The following HIBCH variants were observed in gnomAD, a reference collection of about 807,000 sequenced individuals.
HIBCH encodes the protein 3-hydroxyisobutyryl-CoA hydrolase, mitochondrial.
A neutral mutation model predicts 58.2 loss-of-function variants in HIBCH; 50 were observed. The observed-to-expected ratio is 0.86, with a 90% CI of 0.68 to 1.09. HIBCH has a LOEUF of 1.09. Among genes scored for constraint, HIBCH ranks in the 50% least tolerant of loss-of-function variants. HIBCH has a pLI of 0.00. For missense variants in HIBCH, 450 were observed against 449.7 expected, an observed-to-expected ratio of 1.00 and a Z score of -0.01; for synonymous variants, 151 against 146.9, an observed-to-expected ratio of 1.03 and a Z score of -0.20.
downstream of HIBCH, among the ~76,000 whole-genome samples, chr2:190,199,351 T>C (rs149250527): frequency 9.9e-5 from 15 of 152,236 alleles, no homozygotes; most frequent in East Asian, 3.9e-4. Flanking sequence ...TGTACAAAAA[T>C]AGGTAGCTGG....
intron 11 of HIBCH, among the ~76,000 whole-genome samples, chr2:190,238,173 A>G (rs977356493): frequency 6.6e-6 from 1 of 152,098 alleles, no homozygotes; most frequent in Non-Finnish European, 1.5e-5. Flanking sequence ...TTATAATCCT[A>G]TGGGTATATA....
intron 2 of HIBCH, among the ~76,000 whole-genome samples, chr2:190,307,100 T>C (rs1208323146): frequency 6.6e-6 from 1 of 152,162 alleles, no homozygotes; most frequent in Non-Finnish European, 1.5e-5. Flanking sequence ...TACTATATTC[T>C]TGGGAACTAG....
In HIBCH at chr2:190,315,021, C is replaced by T. The variant is rs1352422119; in HGVS notation, c.36-4225G>A. Among the ~76,000 whole-genome samples the T allele has an allele frequency of 6.6e-6, 1 of 151,876 alleles. No homozygotes were observed. The highest frequency in any genetic ancestry group is 1.9e-4 in the East Asian group (1 of 5,160). On this transcript the variant is annotated intron_variant, in intron 1 of 13. Coordinates refer to ENST00000359678, the MANE Select transcript of HIBCH (RefSeq NM_014362.4). The surrounding 1 kb of genome is among the most constrained non-coding windows in gnomAD (Gnocchi z 5.4). ...GGAGTGCAGTGGTGCAATCTCGGCT[C>T]ACTGCAGGCTCTGCCTTCCGGGTTC...
chr2:190,272,410 G>A (rs547827990), intron 6 of HIBCH, among the ~76,000 whole-genome samples: 3 of 152,262 alleles, frequency 2.0e-5, no homozygotes, highest in South Asian at 2.1e-4. Flanking sequence ...GAATGAGCTC[G>A]TTTTATGGGC....
rs185699062 is a variant in HIBCH at position 190,197,678 on chromosome 2, C to G, written c.*17+7422G>C. On this transcript the variant is annotated intron_variant, in intron 1 of 1. Transcript: ENST00000399855. The surrounding 1 kb of genome is among the most constrained non-coding windows in gnomAD (Gnocchi z 4.0). Reference sequence around the variant, plus strand: ...GGATTTAACATCTTGTGTTTTTCTTCTCTCAGGGATCACAATCCAGTGTTG... The same window carrying G: ...GGATTTAACATCTTGTGTTTTTCTTGTCTCAGGGATCACAATCCAGTGTTG... Among the ~76,000 whole-genome samples, 310 of 152,346 alleles carry G rather than the reference C, an allele frequency of 2.0e-3. 2 individuals are homozygous for G. The highest frequency in any genetic ancestry group is 6.4e-3 in the African/African-American group (267 of 41,576).
chr2:190,315,007 G>A lies in HIBCH; in HGVS notation c.36-4211C>T, dbSNP rs1049307432. The stretch of plus-strand genomic sequence containing the variant: ...CTGTCGCCCAGGCTGGAGTGCAGTG[G>A]TGCAATCTCGGCTCACTGCAGGCTC... On this transcript the variant is annotated intron_variant, in intron 1 of 13. Transcript: ENST00000359678. The surrounding 1 kb of genome is among the most constrained non-coding windows in gnomAD (Gnocchi z 5.4). Among the ~76,000 whole-genome samples, 1 of 151,818 alleles carries A rather than the reference G, an allele frequency of 6.6e-6. No individual in the cohort carries two copies. Among genetic ancestry groups the A allele is most frequent in the East Asian group, 1.9e-4 (1 of 5,162 alleles).
chr2:190,190,312 A>G (rs1289478635), intron 1 of HIBCH, among the ~76,000 whole-genome samples: 5 of 152,322 alleles, frequency 3.3e-5, no homozygotes, highest in East Asian at 3.9e-4. Context: ...TCATATAAAT[A>G]TGATCCATCT....
intron 1 of HIBCH, among the ~76,000 whole-genome samples, chr2:190,313,758 CT>C (rs1372218421): frequency 2.6e-5 from 4 of 151,440 alleles, no homozygotes; most frequent in African/African-American, 7.3e-5. Context: ...GGCACAGATA[CT>C]TTGTTTGAAG....
intron 1 of HIBCH, among the ~76,000 whole-genome samples, chr2:190,190,615 TAAGA>T: frequency 6.6e-6 from 1 of 152,318 alleles, no homozygotes; most frequent in Non-Finnish European, 1.5e-5. Flanking sequence ...GTTAACTTTT[TAAGA>T]AACAGCCAAG....
At position 190,261,246 on chromosome 2, in the gene HIBCH, A is replaced by C; in HGVS notation, c.439-12T>G. 1.3e-6 allele frequency: 2 copies of C among 1,596,686 alleles called. No homozygotes were observed. The highest frequency in any genetic ancestry group is 1.7e-6 in the Non-Finnish European group (2 of 1,164,528). ...GAGAGACCAACTCCCTAGAGAAAAA[A>C]GGCAAAAAAAGAGGCGGGGGGGAAT... On this transcript the variant is annotated splice_polypyrimidine_tract_variant and intron_variant, in intron 6 of 13. Transcript: ENST00000359678.
intron 5 of HIBCH, 70 bp from the exon 6 acceptor site, chr2:190,287,708 C>A (rs1293427275): frequency 4.4e-6 from 5 of 1,145,980 alleles, no homozygotes; most frequent in Middle Eastern, 2.1e-4. Flanking sequence ...AAAAAAAAAC[C>A]CACATTATAT....
intron 11 of HIBCH, among the ~76,000 whole-genome samples, chr2:190,241,657 G>T (rs1290569928): frequency 2.0e-5 from 3 of 152,126 alleles, no homozygotes; most frequent in South Asian, 2.1e-4. Flanking sequence ...ATACAGGCCT[G>T]GTAGTGACAA....
intron 6 of HIBCH, among the ~76,000 whole-genome samples, chr2:190,269,645 A>G (rs986195859): frequency 6.6e-6 from 1 of 152,218 alleles, no homozygotes; most frequent in Non-Finnish European, 1.5e-5. Flanking sequence ...TAGTTCAACC[A>G]TTGTGGAAGA....
chr2:190,250,773 T>C (rs192800353), intron 8 of HIBCH, among the ~76,000 whole-genome samples: 2 of 152,274 alleles, frequency 1.3e-5, no homozygotes, highest in Admixed American at 6.5e-5. Flanking sequence ...GTATGCTTCA[T>C]ACATTTTACA....
In HIBCH at chr2:190,210,485, A is replaced by C. The variant is rs1559011826; in HGVS notation, c.1012-1572T>G. ...AGGTCTGGACTCTCATTTTCTTTAT[A>C]ATATGATCTTACCTATTCAGTGCTC... On this transcript the variant is annotated intron_variant, in intron 12 of 13. Coordinates refer to ENST00000359678, the MANE Select transcript of HIBCH (RefSeq NM_014362.4). This position sits in a 1 kb window ranked among gnomAD's most constrained non-coding sequence, Gnocchi z 5.5. Among the ~76,000 whole-genome samples the C allele has an allele frequency of 1.3e-5, 2 of 152,294 alleles. No homozygotes were observed. The highest frequency in any genetic ancestry group is 3.9e-4 in the East Asian group (2 of 5,188).
intron 11 of HIBCH, among the ~76,000 whole-genome samples, chr2:190,235,871 ATG>A (rs1344694444): frequency 6.6e-6 from 1 of 152,150 alleles, no homozygotes; most frequent in African/African-American, 2.4e-5. Context: ...GTAATTGTTT[ATG>A]TGTGTGTTCC....
intron 6 of HIBCH, among the ~76,000 whole-genome samples, chr2:190,285,678 TCTACCTACCTGGGCC>T (rs1461734036): frequency 4.6e-5 from 7 of 152,060 alleles, no homozygotes; most frequent in African/African-American, 1.7e-4. Context: ...CTACCTAGGC[TCTACCTACCTGGGCC>T]CTACCTACCT....
At chr2:190,251,767 C>T (rs903395948) in intron 8 of HIBCH, among the ~76,000 whole-genome samples, 2 of 150,930 alleles carry the variant, frequency 1.3e-5, no homozygotes, top group African/African-American at 2.4e-5. Context: ...ACTTTCAATG[C>T]GCTAGGGAAA....
At chr2:190,242,324 C>T (rs1290748666) in intron 11 of HIBCH, among the ~76,000 whole-genome samples, 2 of 151,916 alleles carry the variant, frequency 1.3e-5, no homozygotes, top group East Asian at 3.9e-4. Flanking sequence ...GTTCCTGTAA[C>T]CTTTTATCAA....
Sources: gnomAD v4.1 joint callset for allele counts (sites outside exome capture counted in the v4.1 genomes callset) on GRCh38, gnomAD v4.1.1 for gene constraint, Gnocchi (gnomAD v3.1) non-coding constraint, MANE v1.5 for transcripts, NCBI Gene and HGNC (gene_info 2026-07-23, HGNC 2026-07-21) for gene names.